Variants in NTRK2 observed in about 807,000 individuals in gnomAD.
The protein encoded by NTRK2 is BDNF/NT-3 growth factors receptor.
A neutral mutation model predicts 94.5 loss-of-function variants in NTRK2; 13 were observed. The observed-to-expected ratio is 0.14, with a 90% CI of 0.09 to 0.22. The LOEUF is 0.22. NTRK2 is among the 10% of genes least tolerant of loss of function. NTRK2 has a pLI of 1.00. For missense variants in NTRK2, 639 were observed against 1,071.2 expected (o/e 0.60, Z 5.63); for synonymous variants, 372 against 407.4 (o/e 0.91, Z 1.05).
chr9:84,796,436 A>T (rs922317310), intron 12 of NTRK2, among the ~76,000 whole-genome samples: 1 of 152,190 alleles, frequency 6.6e-6, no homozygotes, highest in South Asian at 2.1e-4. Context: ...ACTTAGTTTC[A>T]AGAGGTGCTG....
At chr9:84,677,413 C>T (rs55811269) in intron 2 of NTRK2, among the ~76,000 whole-genome samples, 13,341 of 152,122 alleles carry the variant, frequency 0.088, 711 homozygotes, top group African/African-American at 0.14. Flanking sequence ...ATGTGTTGTT[C>T]GTGTTCTGCT....
At chr9:84,797,712 TAA>T (rs2069661028) in intron 12 of NTRK2, among the ~76,000 whole-genome samples, 1 of 76,166 alleles carries the variant, frequency 1.3e-5, no homozygotes, top group Non-Finnish European at 2.3e-5. Flanking sequence ...TATACTATAA[TAA>T]TATATATATT....
At chr9:84,921,119 T>C (rs2077553025) in intron 14 of NTRK2, among the ~76,000 whole-genome samples, 2 of 152,172 alleles carry the variant, frequency 1.3e-5, no homozygotes, top group African/African-American at 4.8e-5. Context: ...GTGGGAGCCA[T>C]AACAGCAGCC....
At chr9:84,884,685 A>G (rs570558112) in intron 14 of NTRK2, among the ~76,000 whole-genome samples, 14 of 152,232 alleles carry the variant, frequency 9.2e-5, no homozygotes, top group Non-Finnish European at 1.2e-4. Context: ...AGAGTTCATT[A>G]TCTTGCAATA....
rs1322754606 is a variant in NTRK2, at chr9:85,021,686, T to C, written c.*249T>C. ...TCCCTTGGTTGTTCCTTTTTCTTTT[T>C]TTAAATTTTCTTTTTCTTTTTTTTT... On this transcript the variant is annotated 3_prime_UTR_variant, in exon 19 of 19. Transcript: ENST00000277120. 14 of 536,054 alleles carry C rather than the reference T, an allele frequency of 2.6e-5. No homozygotes were observed. Among genetic ancestry groups the C allele is most frequent in the Non-Finnish European group, 4.3e-5 (13 of 305,294 alleles). The allele number at this position is 536,054 out of a possible 1,614,324, so 33.2% of individuals were successfully genotyped here.
intron 17 of NTRK2, among the ~76,000 whole-genome samples, chr9:84,958,200 C>CAA (rs111847110): frequency 2.9e-5 from 4 of 138,016 alleles, no homozygotes; most frequent in African/African-American, 8.0e-5. Flanking sequence ...TAATCATATA[C>CAA]AAAAAAAAAA....
chr9:84,797,707 TATA>T (rs1321359184), intron 12 of NTRK2, among the ~76,000 whole-genome samples: 8 of 82,498 alleles, frequency 9.7e-5, no homozygotes, highest in Admixed American at 6.5e-4. Context: ...TTATATATAC[TATA>T]ATAATATATA....
intron 12 of NTRK2, among the ~76,000 whole-genome samples, chr9:84,774,934 G>T (rs1445557061): frequency 6.6e-6 from 1 of 152,162 alleles, no homozygotes; most frequent in African/African-American, 2.4e-5. Flanking sequence ...AGACAGTGGT[G>T]GAAGGAAAAG....
At chr9:84,990,871 G>A (rs11140821) in intron 17 of NTRK2, among the ~76,000 whole-genome samples, 2,690 of 152,176 alleles carry the variant, frequency 0.018, 40 homozygotes, top group Middle Eastern at 0.051. Context: ...CAATGCTGAG[G>A]GGCACCCCAC....
At chr9:84,978,227 C>T (rs1827141344) in intron 17 of NTRK2, among the ~76,000 whole-genome samples, 3 of 152,126 alleles carry the variant, frequency 2.0e-5, no homozygotes, top group Admixed American at 6.5e-5. Flanking sequence ...AGGTGAAAAG[C>T]GAGGCCTCTT....
intron 17 of NTRK2, among the ~76,000 whole-genome samples, chr9:84,997,131 G>A (rs570602739): frequency 2.0e-5 from 3 of 152,196 alleles, no homozygotes; most frequent in Admixed American, 6.5e-5. Flanking sequence ...CTCCTGAGTT[G>A]CTGTTGATTT....
intron 2 of NTRK2, among the ~76,000 whole-genome samples, chr9:84,672,988 T>C (rs2058795454): frequency 6.6e-6 from 1 of 152,216 alleles, no homozygotes; most frequent in South Asian, 2.1e-4. Flanking sequence ...TTTTTCCCTT[T>C]TGATTTGAAA....
At chr9:85,003,514 C>A (rs1830551394) in intron 17 of NTRK2, among the ~76,000 whole-genome samples, 1 of 152,014 alleles carries the variant, frequency 6.6e-6, no homozygotes, top group South Asian at 2.1e-4. Context: ...GTGTGGTAGG[C>A]AAGGGGGAGA....
rs183016564 is a variant in NTRK2 at position 84,745,588 on chromosome 9, G to T, written c.1296+515G>T. Among the ~76,000 whole-genome samples, 17 of 152,340 alleles carry T rather than the reference G, an allele frequency of 1.1e-4. No individual in the cohort carries two copies. In the East Asian group the frequency reaches 3.3e-3, roughly 29 times the overall value. ...GCAGAGCAAGGCAGTACAAGAGATA[G>T]AAGTGGAGGAGCAGATGTTTTGTTC... On this transcript the variant is annotated intron_variant, in intron 11 of 18. Coordinates refer to ENST00000277120, the MANE Select transcript of NTRK2 (RefSeq NM_006180.6).
rs141822492 is a variant in NTRK2, at chr9:84,756,292, C to T, written c.1396+4207C>T. ...TTGAATGCTCTCCTTGTGTTGTAAC[C>T]AAGTCTTGTGTTTAGCTCTCGCATT... On this transcript the variant is annotated intron_variant, in intron 12 of 18. Transcript: ENST00000277120. Among the ~76,000 whole-genome samples, 24 of 152,246 alleles carry T rather than the reference C, an allele frequency of 1.6e-4. No homozygotes were observed. The East Asian group carries it at 2.5e-3, about 16-fold the overall frequency.
chr9:84,700,859 T>C (rs1018680689), intron 2 of NTRK2, among the ~76,000 whole-genome samples: 10 of 152,346 alleles, frequency 6.6e-5, no homozygotes, highest in Admixed American at 5.2e-4. Flanking sequence ...TGGCATAATT[T>C]CTTGTAATGC....
intron 14 of NTRK2, among the ~76,000 whole-genome samples, chr9:84,920,489 A>T (rs1039321149): frequency 9.2e-5 from 14 of 152,070 alleles, no homozygotes; most frequent in African/African-American, 3.4e-4. Context: ...CTTTGTGCTT[A>T]AGCTCTTTCC....
chr9:84,940,818 A>G (rs959963148), intron 15 of NTRK2, among the ~76,000 whole-genome samples: 3 of 151,972 alleles, frequency 2.0e-5, no homozygotes, highest in Non-Finnish European at 2.9e-5. Context: ...TTTCTAAGAC[A>G]GATGGCTCTT....
intron 12 of NTRK2, among the ~76,000 whole-genome samples, chr9:84,836,167 G>A (rs2073862224): frequency 6.6e-6 from 1 of 152,178 alleles, no homozygotes; most frequent in African/African-American, 2.4e-5. Flanking sequence ...GACATATTGT[G>A]AACATTTTAT....
Sources: allele counts gnomAD v4.1 joint callset (sites outside exome capture counted in the v4.1 genomes callset), GRCh38; gene constraint gnomAD v4.1.1; transcripts MANE v1.5; gene names NCBI Gene and HGNC (gene_info 2026-07-23, HGNC 2026-07-21).